Variants in CSMD1 observed in about 807,000 individuals in gnomAD.
CSMD1 encodes CUB and sushi domain-containing protein 1.
In CSMD1, 213 loss-of-function variants were observed where a neutral mutation model predicts 417.5. The ratio of observed to expected loss-of-function variants is 0.51; its 90% CI spans 0.46 to 0.57. The LOEUF (loss-of-function observed/expected upper bound fraction) is 0.57, where lower values mean the gene tolerates loss of function less well. Among genes scored for constraint, CSMD1 ranks in the 20% least tolerant of loss-of-function variants. The pLI, the probability that CSMD1 is intolerant of heterozygous loss-of-function variation, is 0.00. For missense variants in CSMD1, 6,923 were observed against 4,529.7 expected (o/e 1.53, Z -15.17); for synonymous variants, 2,862 against 1,736.8 (o/e 1.65, Z -16.11).
In CSMD1 at chr8:3,701,434, G is replaced by A. The variant is rs189867485; in HGVS notation, c.1009+6980C>T. Among the ~76,000 whole-genome samples, 4 of 152,198 alleles carry A rather than the reference G, an allele frequency of 2.6e-5. No homozygotes were observed. The East Asian group carries it at 5.8e-4, about 22-fold the overall frequency. ...TCTGTCCCCGGGCTGAACCGAAGCT[G>A]CTGCTGGCGGTTATGGTGCTAAACT... On this transcript the variant is annotated intron_variant, in intron 7 of 69. Coordinates refer to ENST00000635120, the MANE Select transcript of CSMD1 (RefSeq NM_033225.6).
At chr8:3,844,248 G>T (rs1050947783) in intron 5 of CSMD1, among the ~76,000 whole-genome samples, 2 of 152,162 alleles carry the variant, frequency 1.3e-5, no homozygotes, top group East Asian at 1.9e-4. Flanking sequence ...TCTGTTGAGA[G>T]CAAGTTCCTG....
intron 10 of CSMD1, among the ~76,000 whole-genome samples, chr8:3,538,074 T>C (rs1426945549): frequency 6.6e-6 from 1 of 152,240 alleles, no homozygotes; most frequent in Non-Finnish European, 1.5e-5. Flanking sequence ...AATGACCCGA[T>C]CCTATGCACA....
intron 7 of CSMD1, among the ~76,000 whole-genome samples, chr8:3,620,814 C>T (rs1600857): frequency 2.6e-5 from 4 of 151,842 alleles, no homozygotes; most frequent in Non-Finnish European, 5.9e-5. Context: ...TCAGAGCTAC[C>T]CTTTAAATAA....
At chr8:3,641,716 T>C (rs1250880060) in intron 7 of CSMD1, among the ~76,000 whole-genome samples, 1 of 152,164 alleles carries the variant, frequency 6.6e-6, no homozygotes, top group Non-Finnish European at 1.5e-5. Context: ...GGCTGCAGGC[T>C]AAATGGAAAT....
chr8:4,235,238 A>T (rs888274662), intron 3 of CSMD1, among the ~76,000 whole-genome samples: 1 of 152,188 alleles, frequency 6.6e-6, no homozygotes, highest in African/African-American at 2.4e-5. Flanking sequence ...AAAACGAACA[A>T]CATCATTTTT....
At chr8:4,677,135 T>C (rs532439138) in intron 1 of CSMD1, among the ~76,000 whole-genome samples, 2 of 148,052 alleles carry the variant, frequency 1.4e-5, no homozygotes, top group South Asian at 4.2e-4. Flanking sequence ...ATATGATACA[T>C]AAAATAATAT....
intron 1 of CSMD1, among the ~76,000 whole-genome samples, chr8:4,891,343 T>C (rs1202183587): frequency 6.6e-6 from 1 of 152,150 alleles, no homozygotes; most frequent in Non-Finnish European, 1.5e-5. Flanking sequence ...CTGAAGTTTA[T>C]TGAAGTGAAT....
At chr8:4,203,278 T>G (rs1308186016) in intron 3 of CSMD1, among the ~76,000 whole-genome samples, 1 of 152,084 alleles carries the variant, frequency 6.6e-6, no homozygotes, top group Non-Finnish European at 1.5e-5. Context: ...CCTGACTCCT[T>G]CAGAAAAGAA....
chr8:4,213,648 T>C (rs1301745142), intron 3 of CSMD1, among the ~76,000 whole-genome samples: 1 of 152,240 alleles, frequency 6.6e-6, no homozygotes, highest in East Asian at 1.9e-4. Context: ...GTAGGGTGAT[T>C]GTTGCTCAGC....
At chr8:4,476,121 G>C (rs1800789807) in intron 2 of CSMD1, among the ~76,000 whole-genome samples, 1 of 151,782 alleles carries the variant, frequency 6.6e-6, no homozygotes, top group Admixed American at 6.6e-5. Context: ...TTATAAACAA[G>C]TTACATTAAC....
At chr8:4,348,486 C>A (rs746653696) in intron 3 of CSMD1, among the ~76,000 whole-genome samples, 69 of 151,620 alleles carry the variant, frequency 4.6e-4, no homozygotes, top group Non-Finnish European at 7.9e-4. Context: ...TTTCTTTCCA[C>A]AAAAAGGTAG....
At chr8:4,150,789 G>C (rs1238736123) in intron 3 of CSMD1, among the ~76,000 whole-genome samples, 1 of 152,148 alleles carries the variant, frequency 6.6e-6, no homozygotes, top group Non-Finnish European at 1.5e-5. Context: ...TAAATGTGTA[G>C]TTTGCGCACT....
chr8:3,970,589 G>A (rs986907044), intron 5 of CSMD1, among the ~76,000 whole-genome samples: 1 of 152,152 alleles, frequency 6.6e-6, no homozygotes, highest in Non-Finnish European at 1.5e-5. Flanking sequence ...AGACCCAACA[G>A]AATGAATAGC....
chr8:3,526,138 G>C (rs1174361144), intron 10 of CSMD1, among the ~76,000 whole-genome samples: 1 of 152,122 alleles, frequency 6.6e-6, no homozygotes, highest in East Asian at 1.9e-4. Flanking sequence ...GAAATTGAAA[G>C]TGGCAAGTTT....
chr8:3,776,064 C>T (rs1584980773), intron 5 of CSMD1, among the ~76,000 whole-genome samples: 1 of 152,200 alleles, frequency 6.6e-6, no homozygotes, highest in Admixed American at 6.5e-5. Flanking sequence ...ACCCATACAC[C>T]TACCTTGTCC....
At chr8:4,915,279 A>G (rs980392922) in intron 1 of CSMD1, among the ~76,000 whole-genome samples, 4 of 152,230 alleles carry the variant, frequency 2.6e-5, no homozygotes, top group Non-Finnish European at 4.4e-5. Context: ...ATTCATAGGC[A>G]TAACACCCCT....
chr8:3,785,125 G>A (rs1227631121), intron 5 of CSMD1, among the ~76,000 whole-genome samples: 2 of 152,168 alleles, frequency 1.3e-5, no homozygotes, highest in Non-Finnish European at 2.9e-5. Context: ...CTACCTCTGT[G>A]ATGTTGGGTA....
chr8:3,323,123 T>C (rs1465646553), intron 23 of CSMD1, among the ~76,000 whole-genome samples: 1 of 152,188 alleles, frequency 6.6e-6, no homozygotes, highest in East Asian at 1.9e-4. Flanking sequence ...CATTGTGTTT[T>C]TGTCTAACAT....
chr8:4,255,733 A>C (rs1352871733), intron 3 of CSMD1, among the ~76,000 whole-genome samples: 2 of 152,234 alleles, frequency 1.3e-5, no homozygotes, highest in Non-Finnish European at 2.9e-5. Flanking sequence ...ACAAAATCTA[A>C]GCATAGACTT....
Sources: gnomAD v4.1 joint callset for allele counts (sites outside exome capture counted in the v4.1 genomes callset) on GRCh38, gnomAD v4.1.1 for gene constraint, MANE v1.5 for transcripts, NCBI Gene and HGNC (gene_info 2026-07-23, HGNC 2026-07-21) for gene names.